RPL6: variants seen among roughly 807,000 people sequenced by gnomAD.
RPL6 encodes large ribosomal subunit protein eL6.
In RPL6, 1 loss-of-function variant was observed where a neutral mutation model predicts 32.1. The observed-to-expected ratio is 0.03, with a 90% CI of 0.01 to 0.15. The LOEUF (loss-of-function observed/expected upper bound fraction) is 0.15, where lower values mean the gene tolerates loss of function less well. Among genes scored for constraint, RPL6 ranks in the 10% least tolerant of loss-of-function variants. The probability of loss-of-function intolerance (pLI) is 1.00; values close to 1 mark genes in which losing one functional copy is unlikely to be tolerated. For synonymous variants in RPL6, 126 were observed against 131.6 expected, an observed-to-expected ratio of 0.96 and a Z score of 0.29; for missense variants, 275 against 354.6, an observed-to-expected ratio of 0.78 and a Z score of 1.80.
Position 112,408,609 on chromosome 12 carries a change from G to T in RPL6, c.48C>A (p.Pro16=). 1 of 1,585,634 alleles carries T rather than the reference G, an allele frequency of 6.3e-7. No individual in the cohort carries two copies. Among genetic ancestry groups the T allele is most frequent in the Non-Finnish European group, 8.5e-7 (1 of 1,173,812 alleles). ...CACCAGCATCAACCTTCTTGGCTTC[G>T]GGTTTCTTCTCTTTAGTATCTGGCT... ...VEKPDTKEKK[P]EAKKVDAGGK... is the part of the protein sequence containing the mutation. The change falls in exon 2 of 7, where the codon CCC becomes CCA. Residue 16 remains proline (P), a synonymous_variant. Transcript: ENST00000202773.
chr12:112,415,874 T>A, intron 1 of RPL6, among the ~76,000 whole-genome samples: 1 of 119,162 alleles, frequency 8.4e-6, no homozygotes, highest in Admixed American at 1.0e-4. Context: ...GGGATAAACC[T>A]TTTTTTTTTT....
chr12:112,405,807 G>A, intron 6 of RPL6, 46 bp downstream of exon 6: 1 of 1,478,906 alleles, frequency 6.8e-7, no homozygotes, highest in Non-Finnish European at 9.2e-7. Flanking sequence ...TCACTCCCAG[G>A]TAGAAGGGCC....
chr12:112,405,712 G>C, intron 6 of RPL6, 141 bp downstream of exon 6: 1 of 742,730 alleles, frequency 1.3e-6, no homozygotes, highest in South Asian at 2.0e-5. Flanking sequence ...ACTCAATTTA[G>C]AAGAATCTGG....
At chr12:112,410,210 T>G, upstream of RPL6, 1 of 197,232 alleles carries the variant, frequency 5.1e-6, no homozygotes, top group South Asian at 9.5e-5. Context: ...TCCCAGCTAT[T>G]CGGGAGGCTA....
chr12:112,408,421 T>C lies in RPL6; in HGVS notation c.236A>G (p.Lys79Arg). ...TGGTCCGTGGTCCTCTTCCCTTACCTTGGATTTAGCGGCTGAGTACTTCCT... is the reference window on the plus strand; with the variant it reads ...TGGTCCGTGGTCCTCTTCCCTTACCCTGGATTTAGCGGCTGAGTACTTCCT... ...YKRKYSAAKS[K>R]VEKKKKEKVL... The change falls in exon 2 of 7, where the codon AAG becomes AGG. Residue 79 changes from lysine (K) to arginine (R), a missense_variant and splice_region_variant. Transcript: ENST00000202773. 1 of 1,614,178 alleles carries C rather than the reference T, an allele frequency of 6.2e-7. No individual in the cohort carries two copies. Among genetic ancestry groups the C allele is most frequent in the Non-Finnish European group, 8.5e-7 (1 of 1,180,022 alleles).
intron 1 of RPL6, among the ~76,000 whole-genome samples, chr12:112,417,459 T>G (rs369252288): frequency 6.6e-6 from 1 of 151,962 alleles, no homozygotes; most frequent in Admixed American, 6.6e-5. Flanking sequence ...CAGAATACTA[T>G]AGTATTCCGT....
At chr12:112,407,131 TCAAG>T in intron 3 of RPL6, 1 of 421,680 alleles carries the variant, frequency 2.4e-6, no homozygotes, top group Non-Finnish European at 4.3e-6. Flanking sequence ...AAAGAAAGCA[TCAAG>T]CAAGTCACCT....
rs1594100949 is a variant in RPL6 at position 112,405,191 on chromosome 12, G to A, written c.*33C>T. On this transcript the variant is annotated 3_prime_UTR_variant, in exon 7 of 7. Coordinates refer to ENST00000202773, the MANE Select transcript of RPL6 (RefSeq NM_000970.6). ...AAAATTAAAAAAAGAGACACAAAAT[G>A]TAGTCAGCTATTTAATTAGGTTCTT... is the stretch of plus-strand genomic sequence containing the variant. 6.5e-7 allele frequency: 1 copy of A among 1,547,550 alleles called. No individual in the cohort carries two copies. The highest frequency in any genetic ancestry group is 1.2e-5 in the South Asian group (1 of 82,484).
intron 1 of RPL6, 134 bp downstream of exon 1, chr12:112,409,453 C>T: frequency 5.0e-6 from 2 of 398,680 alleles, no homozygotes; most frequent in Non-Finnish European, 8.8e-6. Context: ...AAAAATGAAG[C>T]GTCTGGAAGG....
At chr12:112,415,773 A>G (rs2037399565) in intron 1 of RPL6, among the ~76,000 whole-genome samples, 1 of 151,014 alleles carries the variant, frequency 6.6e-6, no homozygotes, top group African/African-American at 2.4e-5. Context: ...TCTGTTGCCC[A>G]GGCTGTTCTT....
chr12:112,412,321 G>A (rs989129707), upstream of RPL6, among the ~76,000 whole-genome samples: 42 of 152,228 alleles, frequency 2.8e-4, no homozygotes, highest in African/African-American at 9.4e-4. Context: ...TTACAGGCCT[G>A]AGCCACCTTG....
Position 112,408,373 on chromosome 12 carries a change from T to A in RPL6, c.238-35A>T, listed in dbSNP as rs527450691. On this transcript the variant is annotated intron_variant, in intron 2 of 6. Transcript: ENST00000202773. ...CACAAATGCATCAACAGTAAGAGAATGCCAATTAAGGTTAAGACATAATGG... is the reference window on the plus strand; with the variant it reads ...CACAAATGCATCAACAGTAAGAGAAAGCCAATTAAGGTTAAGACATAATGG... The A allele has an allele frequency of 2.3e-5, 37 of 1,613,642 alleles. No individual in the cohort carries two copies. The African/African-American group carries it at 3.2e-4, about 14-fold the overall frequency.
At chr12:112,409,264 C>G in intron 1 of RPL6, 1 of 388,208 alleles carries the variant, frequency 2.6e-6, no homozygotes, top group Non-Finnish European at 4.5e-6. Flanking sequence ...TCCTCTGGAA[C>G]CCAGGACCAG....
chr12:112,414,853 C>T (rs976285365), upstream of RPL6, among the ~76,000 whole-genome samples: 2 of 151,282 alleles, frequency 1.3e-5, no homozygotes, highest in East Asian at 1.9e-4. Flanking sequence ...TGCAGTGAGT[C>T]GAGATCACGC....
upstream of RPL6, among the ~76,000 whole-genome samples, chr12:112,412,119 A>C (rs1278993954): frequency 2.6e-5 from 4 of 151,674 alleles, no homozygotes; most frequent in East Asian, 7.7e-4. Flanking sequence ...GGCTCACTGC[A>C]ACCTTCGCCT....
chr12:112,409,725 C>T (rs775268456), upstream of RPL6: 12 of 368,906 alleles, frequency 3.3e-5, no homozygotes, highest in Non-Finnish European at 5.3e-5. Context: ...AGTAGTAAAT[C>T]CTAGGCCGGG....
chr12:112,407,058 T>G, intron 3 of RPL6, 168 bp from the exon 4 acceptor site: 1 of 644,408 alleles, frequency 1.6e-6, no homozygotes, highest in Non-Finnish European at 2.6e-6. Context: ...AGGTCAATTA[T>G]GCTTCTGCAT....
chr12:112,415,278 G>A (rs909460190), upstream of RPL6, among the ~76,000 whole-genome samples: 3 of 152,060 alleles, frequency 2.0e-5, no homozygotes, highest in Non-Finnish European at 2.9e-5. Context: ...GGGGACCAGA[G>A]TTAAAAAAAC....
Position 112,408,325 on chromosome 12 carries a change from T to C in RPL6, c.251A>G (p.Lys84Arg). ...AACAGTTGCGAGAACCTTCTCCTTC[T>C]TTTTCTTTTCAACCTACAAGGACAC... is the stretch of plus-strand genomic sequence containing the variant. ...SAAKSKVEKK[K>R]KEKVLATVTK... Residue 84 changes from lysine to arginine, a missense_variant, in exon 3 of 7, where the codon AAG (lysine) becomes AGG (arginine). Physicochemically the swap from Lys to Arg is conservative, Grantham distance 26. Coordinates refer to ENST00000202773, the MANE Select transcript of RPL6 (RefSeq NM_000970.6). 1 of 1,614,158 alleles carries C rather than the reference T, an allele frequency of 6.2e-7. No homozygotes were observed.
Sources: gnomAD v4.1 joint callset for allele counts (sites outside exome capture counted in the v4.1 genomes callset) on GRCh38, gnomAD v4.1.1 for gene constraint, MANE v1.5 for transcripts, NCBI Gene and HGNC (gene_info 2026-07-23, HGNC 2026-07-21) for gene names.